The following ANKRD17 variants were observed in gnomAD, a reference collection of about 807,000 sequenced individuals.
ANKRD17 encodes the protein ankyrin repeat domain-containing protein 17.
Under a neutral mutation model 229.7 loss-of-function variants are expected in ANKRD17, and 19 were observed. The observed-to-expected ratio is 0.08, with a 90% CI of 0.06 to 0.12. The LOEUF is 0.12. Among genes scored for constraint, ANKRD17 ranks in the 10% least tolerant of loss-of-function variants. The pLI, the probability that ANKRD17 is intolerant of heterozygous loss-of-function variation, is 1.00. For synonymous variants in ANKRD17, 1,112 were observed against 1,146.1 expected, an observed-to-expected ratio of 0.97 and a Z score of 0.60; for missense variants, 2,176 against 3,176.8, an observed-to-expected ratio of 0.68 and a Z score of 7.57.
intron 2 of ANKRD17, among the ~76,000 whole-genome samples, chr4:73,174,355 AG>A (rs1189398753): frequency 6.6e-6 from 1 of 152,238 alleles, no homozygotes. Context: ...TCAATGATGC[AG>A]AAAAAACATT....
intron 22 of ANKRD17, among the ~76,000 whole-genome samples, chr4:73,117,600 GA>G (rs1413270553): frequency 6.6e-6 from 1 of 152,162 alleles, no homozygotes. Flanking sequence ...ATTATCTAGG[GA>G]AGAGGTAGAA....
rs1232065955 is a variant in ANKRD17, at chr4:73,133,389, G to GTT, written c.3234+1726_3234+1727dup. Among the ~76,000 whole-genome samples, 391 of 123,158 alleles carry GTT rather than the reference G, an allele frequency of 3.2e-3. 8 individuals are homozygous for GTT. Among genetic ancestry groups the GTT allele is most frequent in the African/African-American group, 5.3e-3 (176 of 33,022 alleles). The allele number at this position is 123,158 out of a possible 152,430, so 80.8% of individuals were successfully genotyped here. On this transcript the variant is annotated intron_variant, in intron 16 of 33. Coordinates refer to ENST00000358602, the MANE Select transcript of ANKRD17 (RefSeq NM_032217.5). ...ATGGCTCATCAAATGAATGTCTCGT[G>GTT]TTTTTTTTTTTTTTTTTTGAGACAG... is the stretch of plus-strand genomic sequence containing the variant.
chr4:73,121,477 T>C, intron 19 of ANKRD17, 140 bp downstream of exon 19: 1 of 966,498 alleles, frequency 1.0e-6, no homozygotes, highest in Non-Finnish European at 1.6e-6. Context: ...ATAAAGTTCA[T>C]CTCAAAAATC....
rs1742080338 is a variant in ANKRD17, at chr4:73,223,122, T to C, written c.393+35154A>G. 7 of 1,391,424 alleles carry C rather than the reference T, an allele frequency of 5.0e-6. No individual in the cohort carries two copies. In the Admixed American group the frequency reaches 8.0e-5, roughly 16 times the overall value. The allele number at this position is 1,391,424 out of a possible 1,614,324, so 86.2% of individuals were successfully genotyped here. A position where few individuals can be genotyped will look rare whatever the true frequency, so the allele number is the denominator to read the frequency against. ...GTCAGCAAGGGAACAGGAAATGGAA[T>C]GTTCTATTACATGCCTAAAGCAGCT... On this transcript the variant is annotated intron_variant, in intron 1 of 33. Coordinates refer to ENST00000358602, the MANE Select transcript of ANKRD17 (RefSeq NM_032217.5).
At chr4:73,115,978 C>T in intron 22 of ANKRD17, 62 bp from the exon 23 acceptor site, 3 of 1,374,314 alleles carry the variant, frequency 2.2e-6, no homozygotes, top group Non-Finnish European at 3.1e-6. Context: ...AAATCTATGC[C>T]TGAACTAACT....
intron 1 of ANKRD17, among the ~76,000 whole-genome samples, chr4:73,178,979 A>T: frequency 6.6e-6 from 1 of 152,116 alleles, no homozygotes; most frequent in East Asian, 1.9e-4. Context: ...AATAACTAAT[A>T]AGCTAGAATA....
At chr4:73,200,435 A>AAAC (rs1356083321) in intron 1 of ANKRD17, among the ~76,000 whole-genome samples, 3 of 152,118 alleles carry the variant, frequency 2.0e-5, no homozygotes, top group African/African-American at 7.2e-5. Context: ...TGTCTCTTTA[A>AAAC]AACAACAACA....
At chr4:73,097,689 T>A (rs924713862) in intron 26 of ANKRD17, among the ~76,000 whole-genome samples, 3 of 152,166 alleles carry the variant, frequency 2.0e-5, no homozygotes, top group African/African-American at 7.2e-5. Context: ...TCCTCCCACT[T>A]TGGCCTCCCA....
At chr4:73,159,260 C>T (rs371821773) in intron 3 of ANKRD17, among the ~76,000 whole-genome samples, 4 of 152,364 alleles carry the variant, frequency 2.6e-5, no homozygotes, top group East Asian at 3.9e-4. Flanking sequence ...TCCCATAAGA[C>T]ATTTCCTGTA....
intron 2 of ANKRD17, among the ~76,000 whole-genome samples, chr4:73,176,430 C>T (rs1734745226): frequency 6.6e-6 from 1 of 151,888 alleles, no homozygotes; most frequent in Admixed American, 6.6e-5. Flanking sequence ...ACCACATGAC[C>T]CAGCAATCCC....
chr4:73,166,560 A>G (rs1733254746), intron 2 of ANKRD17, among the ~76,000 whole-genome samples: 2 of 152,174 alleles, frequency 1.3e-5, no homozygotes, highest in Non-Finnish European at 2.9e-5. Flanking sequence ...TCAACATCAC[A>G]AAAAGAGAAG....
chr4:73,169,908 T>C (rs898198262), intron 2 of ANKRD17, among the ~76,000 whole-genome samples: 2 of 152,102 alleles, frequency 1.3e-5, no homozygotes, highest in Admixed American at 6.5e-5. Context: ...AAATTGTCCA[T>C]CCCAGCAGTC....
chr4:73,175,036 A>C (rs1373561237), intron 2 of ANKRD17, among the ~76,000 whole-genome samples: 1 of 152,222 alleles, frequency 6.6e-6, no homozygotes, highest in Non-Finnish European at 1.5e-5. Context: ...TCCTATCAAA[A>C]TACTAATGAC....
intron 8 of ANKRD17, 128 bp downstream of exon 8, chr4:73,148,685 T>G: frequency 1.2e-6 from 1 of 829,494 alleles, no homozygotes; most frequent in East Asian, 2.6e-5. Context: ...GTAAATACTT[T>G]ATCACTGGTT....
intron 1 of ANKRD17, among the ~76,000 whole-genome samples, chr4:73,198,632 T>C (rs1738218027): frequency 1.3e-5 from 2 of 152,156 alleles, no homozygotes; most frequent in African/African-American, 4.8e-5. Context: ...GTATAAACAG[T>C]CTAGTATGAG....
At chr4:73,216,868 T>C (rs1343231097) in intron 1 of ANKRD17, among the ~76,000 whole-genome samples, 2 of 152,230 alleles carry the variant, frequency 1.3e-5, no homozygotes, top group African/African-American at 4.8e-5. Context: ...ATGAAAGTTA[T>C]CACCTCATAG....
At chr4:73,241,155 G>T in intron 1 of ANKRD17, among the ~76,000 whole-genome samples, 1 of 152,014 alleles carries the variant, frequency 6.6e-6, no homozygotes, top group South Asian at 2.1e-4. Context: ...CAGATATTTG[G>T]TTTATTGTTG....
rs922531483 is a variant in ANKRD17, at chr4:73,258,549, G to A, written c.120C>T (p.Gly40=). Residue 40 remains glycine, a synonymous_variant, in exon 1 of 34, where the codon GGC becomes GGT. Transcript: ENST00000358602. ...PAAAEVGGGV[G]GSSRARSASS... ...AGGCCGAGCGAGCTCTGCTGCTGCCGCCAACGCCGCCGCCGACCTCCGCCG... is the reference window on the plus strand; with the variant it reads ...AGGCCGAGCGAGCTCTGCTGCTGCCACCAACGCCGCCGCCGACCTCCGCCG... The A allele has an allele frequency of 4.7e-6, 7 of 1,475,658 alleles. No individual in the cohort carries two copies. Among genetic ancestry groups the A allele is most frequent in the Non-Finnish European group, 6.2e-6 (7 of 1,122,922 alleles). 91.4% of individuals were successfully genotyped at this position (1,475,658 alleles called of 1,614,324 possible).
At chr4:73,133,275 A>G (rs551883382) in intron 16 of ANKRD17, among the ~76,000 whole-genome samples, 22 of 152,278 alleles carry the variant, frequency 1.4e-4, no homozygotes, top group Admixed American at 4.6e-4. Context: ...AAAAGCCTCA[A>G]AGCAAAAAAG....
Sources: gnomAD v4.1 joint callset for allele counts (sites outside exome capture counted in the v4.1 genomes callset) on GRCh38, gnomAD v4.1.1 for gene constraint, MANE v1.5 for transcripts, NCBI Gene and HGNC (gene_info 2026-07-23, HGNC 2026-07-21) for gene names.